The following DRC8 variants were observed in gnomAD, a reference collection of about 807,000 sequenced individuals.
DRC8 encodes the protein dynein regulatory complex protein 8.
the DRC8 span, among the ~76,000 whole-genome samples, chr1:244,996,789 A>G: frequency 0.63 from 95,403 of 152,000 alleles, 30,052 homozygotes; most frequent in East Asian, 0.75. Context: ...AGCAGCAGCC[A>G]TTTAATGTCT....
At chr1:245,030,515 C>CAATA in the DRC8 span, 1 of 152,222 alleles carries the variant, frequency 6.6e-6, no homozygotes, top group Non-Finnish European at 1.5e-5. Flanking sequence ...TCCAGCCTCT[C>CAATA]AGTGTACTGG....
chr1:245,110,452 A>C, the DRC8 span, among the ~76,000 whole-genome samples: 1 of 152,360 alleles, frequency 6.6e-6, no homozygotes, highest in East Asian at 1.9e-4. Flanking sequence ...CTTTGTTTCA[A>C]TACCATGCAC....
At chr1:245,060,666 A>AC in the DRC8 span, among the ~76,000 whole-genome samples, 6 of 152,366 alleles carry the variant, frequency 3.9e-5, no homozygotes, top group East Asian at 9.6e-4. Context: ...GCAAGCTGGA[A>AC]GTGTGGAAGA....
At chr1:244,974,883 A>C in the DRC8 span, among the ~76,000 whole-genome samples, 63 of 151,976 alleles carry the variant, frequency 4.1e-4, no homozygotes, top group Non-Finnish European at 7.7e-4. Flanking sequence ...TTGTAGAGAC[A>C]GGGTTTCACT....
At chr1:245,064,841 T>C in the DRC8 span, among the ~76,000 whole-genome samples, 1 of 151,982 alleles carries the variant, frequency 6.6e-6, no homozygotes, top group African/African-American at 2.4e-5. Context: ...TTTTTTTTCC[T>C]GAAACTCTGG....
chr1:245,084,787 G>A, the DRC8 span, among the ~76,000 whole-genome samples: 1 of 151,928 alleles, frequency 6.6e-6, no homozygotes, highest in African/African-American at 2.4e-5. Flanking sequence ...GACTAAGACT[G>A]CATCTACACG....
At chr1:245,090,177 C>T in the DRC8 span, among the ~76,000 whole-genome samples, 69 of 152,192 alleles carry the variant, frequency 4.5e-4, 2 homozygotes, top group African/African-American at 1.3e-3. Context: ...CGATGGTGTC[C>T]GTGGGGCTAA....
chr1:245,027,680 A>T, the DRC8 span, among the ~76,000 whole-genome samples: 1 of 152,060 alleles, frequency 6.6e-6, no homozygotes, highest in South Asian at 2.1e-4. Flanking sequence ...TTCTCTCCCA[A>T]CCCCCAATTT....
At chr1:245,122,009 C>T in the DRC8 span, 1 of 367,898 alleles carries the variant, frequency 2.7e-6, no homozygotes, top group Non-Finnish European at 5.2e-6. Flanking sequence ...AGAGATTCTC[C>T]TGCCTCAGCC....
the DRC8 span, among the ~76,000 whole-genome samples, chr1:245,033,757 A>G: frequency 6.7e-6 from 1 of 148,796 alleles, no homozygotes; most frequent in African/African-American, 2.5e-5. Context: ...ACAGAGTCTC[A>G]CTTGCCCAGG....
chr1:245,030,349 T>G, the DRC8 span, among the ~76,000 whole-genome samples: 2 of 152,224 alleles, frequency 1.3e-5, no homozygotes, highest in South Asian at 4.1e-4. Context: ...AAGGACGTAT[T>G]TGGAAATAAG....
chr1:245,031,529 G>C, the DRC8 span, among the ~76,000 whole-genome samples: 1 of 152,036 alleles, frequency 6.6e-6, no homozygotes, highest in Non-Finnish European at 1.5e-5. Flanking sequence ...CCACAAGATG[G>C]AAGGAGCTGG....
the DRC8 span, among the ~76,000 whole-genome samples, chr1:245,022,083 A>G: frequency 2.6e-5 from 4 of 151,946 alleles, no homozygotes; most frequent in African/African-American, 9.7e-5. Context: ...GCCTTGAAAA[A>G]CATTGGGCAG....
chr1:245,068,388 A>G, the DRC8 span, among the ~76,000 whole-genome samples: 1 of 152,064 alleles, frequency 6.6e-6, no homozygotes, highest in African/African-American at 2.4e-5. Flanking sequence ...ACACTTCCTT[A>G]CATATTATTT....
At chr1:245,013,687 A>T in the DRC8 span, among the ~76,000 whole-genome samples, 2 of 152,356 alleles carry the variant, frequency 1.3e-5, no homozygotes, top group East Asian at 3.8e-4. Flanking sequence ...AGAATGAAAG[A>T]TCCAATTTAT....
chr1:245,042,588 C>T, the DRC8 span, among the ~76,000 whole-genome samples: 86,966 of 152,146 alleles, frequency 0.57, 26,936 homozygotes, highest in East Asian at 0.73. Context: ...ACCAGCACAT[C>T]ATAGGGTTCA....
chr1:244,984,220 G>A, the DRC8 span, among the ~76,000 whole-genome samples: 4 of 152,062 alleles, frequency 2.6e-5, no homozygotes, highest in African/African-American at 9.7e-5. Flanking sequence ...TGAGTACCTT[G>A]TGATCCTTTT....
chr1:245,042,124 A>G, the DRC8 span, among the ~76,000 whole-genome samples: 1 of 152,240 alleles, frequency 6.6e-6, no homozygotes, highest in Non-Finnish European at 1.5e-5. Flanking sequence ...AAGTTCCATT[A>G]CAGCAGGGAT....
At chr1:244,978,935 T>C in the DRC8 span, among the ~76,000 whole-genome samples, 6 of 152,254 alleles carry the variant, frequency 3.9e-5, no homozygotes, top group African/African-American at 1.4e-4. Flanking sequence ...AGAATTTCCA[T>C]CTAAAGAGGA....
Sources: gnomAD v4.1 joint callset for allele counts (sites outside exome capture counted in the v4.1 genomes callset) on GRCh38, gnomAD v4.1.1 for gene constraint, MANE v1.5 for transcripts, NCBI Gene and HGNC (gene_info 2026-07-23, HGNC 2026-07-21) for gene names.